Variants in CACNA2D3 observed in about 807,000 individuals in gnomAD.
The protein encoded by CACNA2D3 is voltage-dependent calcium channel subunit alpha-2/delta-3.
CACNA2D3 carries 60 observed loss-of-function variants against 160.6 expected under a neutral mutation model. The ratio of observed to expected loss-of-function variants is 0.37; its 90% confidence interval spans 0.30 to 0.46. The LOEUF (loss-of-function observed/expected upper bound fraction) is 0.46. CACNA2D3 is among the 20% of genes least tolerant of loss of function. CACNA2D3 has a pLI of 1.00. For synonymous variants in CACNA2D3, 558 were observed against 492.9 expected (o/e 1.13, Z -1.75); for missense variants, 1,205 against 1,365.0 (o/e 0.88, Z 1.85).
At chr3:54,571,126 A>C (rs539957301) in intron 8 of CACNA2D3, among the ~76,000 whole-genome samples, 1 of 152,202 alleles carries the variant, frequency 6.6e-6, no homozygotes, top group East Asian at 1.9e-4. Flanking sequence ...GTAGATTTTA[A>C]AATTTTCTGG....
At chr3:54,203,523 G>A (rs1287929873) in intron 2 of CACNA2D3, among the ~76,000 whole-genome samples, 1 of 152,202 alleles carries the variant, frequency 6.6e-6, no homozygotes, top group Non-Finnish European at 1.5e-5. Context: ...TCTTGCCTTG[G>A]TATACTGGAA....
intron 9 of CACNA2D3, among the ~76,000 whole-genome samples, chr3:54,588,895 T>C (rs1322607114): frequency 6.6e-6 from 1 of 151,162 alleles, no homozygotes; most frequent in Non-Finnish European, 1.5e-5. Flanking sequence ...GTTTAATATT[T>C]ATATATTTAA....
intron 35 of CACNA2D3, among the ~76,000 whole-genome samples, chr3:55,056,594 T>C (rs1251414252): frequency 6.6e-6 from 1 of 152,178 alleles, no homozygotes; most frequent in Non-Finnish European, 1.5e-5. Context: ...GAAAATGCAG[T>C]ATAAGCGCAC....
intron 12 of CACNA2D3, among the ~76,000 whole-genome samples, chr3:54,755,825 A>T (rs183740282): frequency 1.3e-3 from 195 of 152,034 alleles, no homozygotes; most frequent in African/African-American, 2.9e-3. Flanking sequence ...AATTTTTTTT[A>T]AAAAAATTTG....
intron 2 of CACNA2D3, among the ~76,000 whole-genome samples, chr3:54,225,568 T>A (rs980711153): frequency 6.6e-6 from 1 of 152,246 alleles, no homozygotes; most frequent in Non-Finnish European, 1.5e-5. Context: ...TTCTTTAACA[T>A]TGTATCTGAT....
chr3:55,048,170 T>C (rs1275245063), intron 35 of CACNA2D3, among the ~76,000 whole-genome samples: 1 of 118,308 alleles, frequency 8.5e-6, no homozygotes, highest in Non-Finnish European at 1.8e-5. Context: ...GGCATCCCTG[T>C]CTTGTGCCAG....
intron 11 of CACNA2D3, among the ~76,000 whole-genome samples, chr3:54,683,557 C>T (rs928820297): frequency 6.6e-6 from 1 of 152,094 alleles, no homozygotes; most frequent in Admixed American, 6.6e-5. Context: ...TCAAAGGTGG[C>T]GAGCATTGAA....
chr3:54,367,557 C>A, intron 3 of CACNA2D3: 2 of 358,386 alleles, frequency 5.6e-6, no homozygotes, highest in South Asian at 2.1e-5. Context: ...TGAAACCCAT[C>A]AGAGTGGTAA....
chr3:54,231,765 CA>C (rs1183947033), intron 2 of CACNA2D3, among the ~76,000 whole-genome samples: 2 of 151,982 alleles, frequency 1.3e-5, no homozygotes, highest in African/African-American at 4.8e-5. Flanking sequence ...ATGGTCTTGT[CA>C]AGGCCAAGGT....
chr3:54,831,623 TG>T (rs767098831), intron 14 of CACNA2D3, among the ~76,000 whole-genome samples: 9 of 152,244 alleles, frequency 5.9e-5, no homozygotes, highest in Non-Finnish European at 1.3e-4. Flanking sequence ...CATCAGTATT[TG>T]GGTACTTTGC....
intron 11 of CACNA2D3, among the ~76,000 whole-genome samples, chr3:54,690,682 A>T (rs1259430107): frequency 6.6e-6 from 1 of 152,224 alleles, no homozygotes; most frequent in Non-Finnish European, 1.5e-5. Context: ...ATTGTATCTG[A>T]CTGAAGAACC....
At chr3:54,606,277 C>T (rs949122120) in intron 9 of CACNA2D3, among the ~76,000 whole-genome samples, 27 of 151,914 alleles carry the variant, frequency 1.8e-4, no homozygotes, top group Non-Finnish European at 2.9e-5. Context: ...ATTTTCAGTA[C>T]TATAAGAAGG....
chr3:54,165,186 GGT>G (rs1200983976), intron 2 of CACNA2D3, among the ~76,000 whole-genome samples: 9 of 140,614 alleles, frequency 6.4e-5, no homozygotes, highest in African/African-American at 2.4e-4. Context: ...GGACTTGAAT[GGT>G]GTGTGGGGGG....
At chr3:55,056,215 T>C (rs9881200) in intron 35 of CACNA2D3, among the ~76,000 whole-genome samples, 31,099 of 152,044 alleles carry the variant, frequency 0.2, 3,486 homozygotes, top group African/African-American at 0.26. Flanking sequence ...TGTTCAATAT[T>C]AGTAATCATC....
chr3:54,626,485 A>G (rs954018028), intron 9 of CACNA2D3: 1 of 1,607,114 alleles, frequency 6.2e-7, no homozygotes, highest in Admixed American at 1.7e-5. Flanking sequence ...GATGGTGGGC[A>G]GCATGGTGGG....
chr3:54,862,726 C>A (rs939869317), intron 17 of CACNA2D3, among the ~76,000 whole-genome samples: 1 of 152,032 alleles, frequency 6.6e-6, no homozygotes, highest in Non-Finnish European at 1.5e-5. Context: ...TCAATGGGCC[C>A]GAACTACTTA....
chr3:54,413,787 T>C (rs1363796306), intron 4 of CACNA2D3, among the ~76,000 whole-genome samples: 1 of 151,778 alleles, frequency 6.6e-6, no homozygotes, highest in Non-Finnish European at 1.5e-5. Flanking sequence ...ATTCTCCATC[T>C]ATACACTGAT....
At chr3:54,326,691 A>T (rs1258973784) in intron 3 of CACNA2D3, among the ~76,000 whole-genome samples, 1 of 152,204 alleles carries the variant, frequency 6.6e-6, no homozygotes, top group Non-Finnish European at 1.5e-5. Flanking sequence ...GGTTTTAGGA[A>T]CTGAATATAG....
chr3:54,409,776 C>T (rs548958471), intron 4 of CACNA2D3, among the ~76,000 whole-genome samples: 53 of 152,312 alleles, frequency 3.5e-4, no homozygotes, highest in African/African-American at 1.3e-3. Flanking sequence ...TGGAGCAAGG[C>T]CCTTACTCTT....
Sources: gnomAD v4.1 joint callset for allele counts (sites outside exome capture counted in the v4.1 genomes callset) on GRCh38, gnomAD v4.1.1 for gene constraint, MANE v1.5 for transcripts, NCBI Gene and HGNC (gene_info 2026-07-23, HGNC 2026-07-21) for gene names.